Variants in SCTR observed in about 807,000 individuals in gnomAD.
SCTR encodes the protein pancreatic secretin receptor.
Under a neutral mutation model 60.8 loss-of-function variants are expected in SCTR, and 56 were observed. The observed-to-expected ratio is 0.92, with a 90% CI of 0.74 to 1.15. The LOEUF (loss-of-function observed/expected upper bound fraction) is 1.15, where lower values mean the gene tolerates loss of function less well. Among genes scored for constraint, SCTR ranks in the 50% most tolerant of loss-of-function variants. The pLI is 0.00. For synonymous variants in SCTR, 202 were observed against 217.0 expected, an observed-to-expected ratio of 0.93 and a Z score of 0.61; for missense variants, 562 against 550.4, an observed-to-expected ratio of 1.02 and a Z score of -0.21.
At chr2:119,509,239 C>T (rs1350700633) in intron 1 of SCTR, among the ~76,000 whole-genome samples, 3 of 152,062 alleles carry the variant, frequency 2.0e-5, no homozygotes, top group South Asian at 2.1e-4. Flanking sequence ...GGAGCCAAGC[C>T]GGGAGAGCCC....
intron 2 of SCTR, among the ~76,000 whole-genome samples, chr2:119,482,567 G>A (rs1199045335): frequency 6.6e-6 from 1 of 152,226 alleles, no homozygotes; most frequent in Non-Finnish European, 1.5e-5. Flanking sequence ...CTCCTTGGAT[G>A]TTCCAGAAGC....
At chr2:119,500,171 T>C (rs961429139) in intron 1 of SCTR, among the ~76,000 whole-genome samples, 1 of 151,756 alleles carries the variant, frequency 6.6e-6, no homozygotes, top group Non-Finnish European at 1.5e-5. Context: ...CAGTTAGGAC[T>C]AAACTAAAAA....
rs762770595 is a variant in SCTR at position 119,494,571 on chromosome 2, G to A, written c.73-23C>T. 5 of 1,612,546 alleles carry A rather than the reference G, an allele frequency of 3.1e-6. No individual in the cohort carries two copies. In the East Asian group the frequency reaches 8.9e-5, roughly 29 times the overall value. ...AGTCTGCAAGTCCAAAACCAGGGAT[G>A]CTCATCATTGCCACTAACTCAATTT... On this transcript the variant is annotated intron_variant, in intron 1 of 12. Coordinates refer to ENST00000019103, the MANE Select transcript of SCTR (RefSeq NM_002980.3).
At chr2:119,519,382 A>AT (rs1301314775) in intron 1 of SCTR, among the ~76,000 whole-genome samples, 3 of 152,126 alleles carry the variant, frequency 2.0e-5, no homozygotes, top group African/African-American at 7.2e-5. Context: ...GTAACTCAGT[A>AT]TTTTTTTATG....
At chr2:119,477,852 G>A (rs540154013) in intron 3 of SCTR, among the ~76,000 whole-genome samples, 23 of 152,320 alleles carry the variant, frequency 1.5e-4, no homozygotes, top group African/African-American at 5.5e-4. Flanking sequence ...TGGAGGAGCG[G>A]GTTTCAAGCC....
chr2:119,469,541 A>T (rs1676899961), intron 4 of SCTR, among the ~76,000 whole-genome samples: 1 of 152,092 alleles, frequency 6.6e-6, no homozygotes, highest in African/African-American at 2.4e-5. Flanking sequence ...TCCAGGCTGG[A>T]GTACAGTAGC....
chr2:119,505,601 C>G (rs904477097), intron 1 of SCTR, among the ~76,000 whole-genome samples: 5 of 146,350 alleles, frequency 3.4e-5, no homozygotes, highest in Non-Finnish European at 3.1e-5. Context: ...CAAACTATCG[C>G]AAGGACAAAA....
intron 3 of SCTR, among the ~76,000 whole-genome samples, chr2:119,477,678 C>T (rs1308427352): frequency 1.3e-5 from 2 of 152,080 alleles, no homozygotes; most frequent in Non-Finnish European, 1.5e-5. Flanking sequence ...CTCGAACTCC[C>T]GACCTCAGGA....
At chr2:119,473,428 G>A (rs41279772) in intron 4 of SCTR, 25 bp downstream of exon 4, 44 of 1,535,136 alleles carry the variant, frequency 2.9e-5, no homozygotes, top group Admixed American at 5.0e-5. Context: ...CCCCGGGTTC[G>A]TGGGGTGGAG....
chr2:119,443,442 C>T (rs1412285826), intron 11 of SCTR, among the ~76,000 whole-genome samples: 1 of 152,136 alleles, frequency 6.6e-6, no homozygotes, highest in Non-Finnish European at 1.5e-5. Context: ...TGGGTTATGA[C>T]GTTCTAGATT....
intron 1 of SCTR, among the ~76,000 whole-genome samples, chr2:119,502,412 G>T (rs943387354): frequency 2.0e-5 from 3 of 152,198 alleles, no homozygotes; most frequent in African/African-American, 4.8e-5. Context: ...CATGTTCATG[G>T]ATTAGAAGAC....
intron 1 of SCTR, among the ~76,000 whole-genome samples, chr2:119,506,621 C>T (rs888957962): frequency 3.3e-5 from 5 of 152,042 alleles, no homozygotes; most frequent in Non-Finnish European, 5.9e-5. Flanking sequence ...GGTAGGGCTA[C>T]GCATGCACTG....
intron 3 of SCTR, among the ~76,000 whole-genome samples, chr2:119,477,636 A>G (rs746365782): frequency 4.1e-4 from 63 of 152,174 alleles, no homozygotes; most frequent in Non-Finnish European, 7.6e-4. Context: ...CTTTTAGAAG[A>G]GATGGGGTTT....
chr2:119,511,208 G>T (rs979689133), intron 1 of SCTR, among the ~76,000 whole-genome samples: 1 of 150,408 alleles, frequency 6.6e-6, no homozygotes, highest in South Asian at 2.1e-4. Context: ...TGAGATCTCC[G>T]TCTCAAAAAA....
chr2:119,444,226 C>CATATGTAT lies in SCTR; in HGVS notation c.1140+2532_1140+2533insATACATAT, dbSNP rs1333933818. 4.2e-4 allele frequency among the ~76,000 whole-genome samples: 51 copies of CATATGTAT among 122,230 alleles called. 5 individuals carry two copies. The highest frequency in any genetic ancestry group is 6.2e-4 in the East Asian group (3 of 4,860). 80.2% of individuals were successfully genotyped at this position (122,230 alleles called of 152,430 possible). A position where few individuals can be genotyped will look rare whatever the true frequency, so the allele number is the denominator to read the frequency against. On this transcript the variant is annotated intron_variant, in intron 11 of 12. Transcript: ENST00000019103. Reference sequence around the variant, plus strand: ...GTATATATACATATGAATATATACACATATACATATGAATATATACACATA... The same window carrying CATATGTAT: ...GTATATATACATATGAATATATACACATATGTATATATACATATGAATATATACACATA...
Position 119,519,810 on chromosome 2 carries a change from C to CAAAAAAAAAAAA in SCTR, c.72+4333_72+4344dup, listed in dbSNP as rs71396064. Among the ~76,000 whole-genome samples, 9 of 58,240 alleles carry CAAAAAAAAAAAA rather than the reference C, an allele frequency of 1.5e-4. 1 individual carries two copies. The highest frequency in any genetic ancestry group is 2.1e-4 in the Admixed American group (1 of 4,700). The allele number at this position is 58,240 out of a possible 152,430, so 38.2% of individuals were successfully genotyped here. A position where few individuals can be genotyped will look rare whatever the true frequency, so the allele number is the denominator to read the frequency against. ...GACAGAGTGAGATGAGACTCTGTCT[C>CAAAAAAAAAAAA]AAAAAAAAAAAAAAAAAGAAAAAAA... On this transcript the variant is annotated intron_variant, in intron 1 of 12. Transcript: ENST00000019103.
At chr2:119,498,148 T>A (rs1039893536) in intron 1 of SCTR, among the ~76,000 whole-genome samples, 1 of 152,108 alleles carries the variant, frequency 6.6e-6, no homozygotes, top group African/African-American at 2.4e-5. Flanking sequence ...CTACACTTTA[T>A]CTAAAGGGGG....
intron 1 of SCTR, among the ~76,000 whole-genome samples, chr2:119,506,622 G>T (rs866204114): frequency 6.6e-6 from 1 of 151,926 alleles, no homozygotes; most frequent in Non-Finnish European, 1.5e-5. Flanking sequence ...GTAGGGCTAC[G>T]CATGCACTGC....
At chr2:119,517,165 CT>C (rs879596871) in intron 1 of SCTR, among the ~76,000 whole-genome samples, 169 of 145,264 alleles carry the variant, frequency 1.2e-3, no homozygotes, top group Middle Eastern at 3.6e-3. Flanking sequence ...ACTTTAAGTG[CT>C]TTTTTTTTTT....
Sources: allele counts gnomAD v4.1 joint callset (sites outside exome capture counted in the v4.1 genomes callset), GRCh38; gene constraint gnomAD v4.1.1; transcripts MANE v1.5; gene names NCBI Gene and HGNC (gene_info 2026-07-23, HGNC 2026-07-21).